The following GPC6 variants were observed in gnomAD, a reference collection of about 807,000 sequenced individuals.
GPC6 encodes glypican-6.
A neutral mutation model predicts 55.2 loss-of-function variants in GPC6; 14 were observed. The observed-to-expected ratio is 0.25, with a 90% CI of 0.17 to 0.40. GPC6 has a LOEUF of 0.40. Among genes scored for constraint, GPC6 ranks in the 10% least tolerant of loss-of-function variants. The probability of loss-of-function intolerance (pLI) is 1.00; values close to 1 mark genes in which losing one functional copy is unlikely to be tolerated. For synonymous variants in GPC6, 278 were observed against 259.6 expected, an observed-to-expected ratio of 1.07 and a Z score of -0.68; for missense variants, 641 against 708.5, an observed-to-expected ratio of 0.90 and a Z score of 1.08.
intron 1 of GPC6, among the ~76,000 whole-genome samples, chr13:93,231,422 T>C (rs900383734): frequency 1.8e-3 from 91 of 49,970 alleles, no homozygotes; most frequent in African/African-American, 6.2e-3. Flanking sequence ...TATATATATA[T>C]ACGTATATAT....
chr13:94,205,696 G>T (rs1017330280), intron 4 of GPC6, among the ~76,000 whole-genome samples: 1 of 152,154 alleles, frequency 6.6e-6, no homozygotes, highest in Non-Finnish European at 1.5e-5. Context: ...TCTTAAGTTT[G>T]CCATTTAGCT....
At chr13:93,845,851 G>T (rs1490103872) in intron 3 of GPC6, among the ~76,000 whole-genome samples, 30 of 112,004 alleles carry the variant, frequency 2.7e-4, no homozygotes, top group African/African-American at 9.4e-4. Context: ...GGGGAGGGGG[G>T]AGGGATAGCA....
intron 1 of GPC6, among the ~76,000 whole-genome samples, chr13:93,526,182 A>G (rs1446048338): frequency 2.0e-5 from 3 of 152,188 alleles, no homozygotes; most frequent in Admixed American, 6.6e-5. Context: ...CCACTTTTCT[A>G]TCAAAATAAA....
chr13:93,512,159 T>C (rs917073259), intron 1 of GPC6, among the ~76,000 whole-genome samples: 1 of 152,224 alleles, frequency 6.6e-6, no homozygotes, highest in African/African-American at 2.4e-5. Flanking sequence ...CTTTTCCAAT[T>C]TGGATGCATT....
intron 2 of GPC6, among the ~76,000 whole-genome samples, chr13:93,816,290 T>A (rs1179275923): frequency 6.6e-6 from 1 of 152,180 alleles, no homozygotes; most frequent in African/African-American, 2.4e-5. Flanking sequence ...AAACTGCAGA[T>A]GATCATATTA....
At chr13:94,272,583 C>A (rs1197139398) in intron 4 of GPC6, among the ~76,000 whole-genome samples, 1 of 150,664 alleles carries the variant, frequency 6.6e-6, no homozygotes, top group Non-Finnish European at 1.5e-5. Context: ...ATTCTCTTGC[C>A]TCAGCCTCCC....
chr13:93,261,968 T>A (rs971006413), intron 1 of GPC6, among the ~76,000 whole-genome samples: 16 of 135,918 alleles, frequency 1.2e-4, no homozygotes, highest in Non-Finnish European at 1.5e-4. Context: ...ACACACACAC[T>A]TGCATATATT....
chr13:93,387,982 C>T (rs9589726), intron 1 of GPC6, among the ~76,000 whole-genome samples: 4,920 of 152,062 alleles, frequency 0.032, 273 homozygotes, highest in African/African-American at 0.11. Flanking sequence ...ACTATCTGAA[C>T]GATCATCCTG....
At chr13:93,806,413 C>T (rs889939214) in intron 2 of GPC6, among the ~76,000 whole-genome samples, 9 of 152,338 alleles carry the variant, frequency 5.9e-5, no homozygotes, top group African/African-American at 2.2e-4. Context: ...TCGCGGCTCA[C>T]TGCAACCTCT....
At chr13:93,552,214 G>T (rs1043087422) in intron 2 of GPC6, among the ~76,000 whole-genome samples, 5 of 152,260 alleles carry the variant, frequency 3.3e-5, no homozygotes, top group African/African-American at 1.2e-4. Context: ...CACTGGCATG[G>T]GAAAGTAATC....
At chr13:93,759,775 C>A (rs1884898356) in intron 2 of GPC6, among the ~76,000 whole-genome samples, 1 of 152,096 alleles carries the variant, frequency 6.6e-6, no homozygotes, top group South Asian at 2.1e-4. Context: ...AACTAACCCA[C>A]CCAAACAAAC....
intron 1 of GPC6, among the ~76,000 whole-genome samples, chr13:93,347,491 T>G (rs1467871806): frequency 6.6e-6 from 1 of 152,162 alleles, no homozygotes; most frequent in Non-Finnish European, 1.5e-5. Flanking sequence ...AGAAATGGTC[T>G]CTCAGTTGTT....
At chr13:94,216,025 CAT>C (rs1449845592) in intron 4 of GPC6, among the ~76,000 whole-genome samples, 1 of 151,984 alleles carries the variant, frequency 6.6e-6, no homozygotes, top group African/African-American at 2.4e-5. Context: ...AAAAGACAAA[CAT>C]GTCAGATATG....
At position 94,101,010 on chromosome 13, in the gene GPC6, G is replaced by A. The variant is rs80173163; in HGVS notation, c.877+73116G>A. 2.3e-3 allele frequency among the ~76,000 whole-genome samples: 350 copies of A among 152,280 alleles called. 4 individuals are homozygous for A. The East Asian group carries it at 0.056, about 24-fold the overall frequency. On this transcript the variant is annotated intron_variant, in intron 4 of 8. Coordinates refer to ENST00000377047, the MANE Select transcript of GPC6 (RefSeq NM_005708.5). The stretch of plus-strand genomic sequence containing the variant: ...GCAGCTGCTAAGCACTGGTCATTGC[G>A]TCAGGCAAACTGGTTAATGTTGAAG...
At chr13:94,336,376 C>A (rs1391609189) in intron 6 of GPC6, among the ~76,000 whole-genome samples, 4 of 152,118 alleles carry the variant, frequency 2.6e-5, no homozygotes, top group Non-Finnish European at 5.9e-5. Context: ...CCCCAAAGAC[C>A]ATCCTGAGTT....
intron 1 of GPC6, among the ~76,000 whole-genome samples, chr13:93,446,686 G>A (rs1003077807): frequency 1.3e-5 from 2 of 152,126 alleles, no homozygotes; most frequent in Admixed American, 6.6e-5. Context: ...TGAATTGTTC[G>A]ATTGAGGTAA....
At chr13:93,655,361 A>G (rs914858505) in intron 2 of GPC6, among the ~76,000 whole-genome samples, 1 of 152,142 alleles carries the variant, frequency 6.6e-6, no homozygotes, top group South Asian at 2.1e-4. Context: ...TCCAACAAGG[A>G]TAAAAATTGA....
chr13:94,175,987 G>GCT (rs1188425166), intron 4 of GPC6, among the ~76,000 whole-genome samples: 1 of 66,022 alleles, frequency 1.5e-5, no homozygotes, highest in Non-Finnish European at 4.0e-5. Context: ...GAGAGAGAGA[G>GCT]AGAGAGCGAG....
chr13:93,552,275 G>A (rs1048752601), intron 2 of GPC6, among the ~76,000 whole-genome samples: 2 of 152,194 alleles, frequency 1.3e-5, no homozygotes, highest in Non-Finnish European at 2.9e-5. Flanking sequence ...CGTCCAATTA[G>A]AGATTTTGGC....
Sources: allele counts gnomAD v4.1 joint callset (sites outside exome capture counted in the v4.1 genomes callset), GRCh38; gene constraint gnomAD v4.1.1; transcripts MANE v1.5; gene names NCBI Gene and HGNC (gene_info 2026-07-23, HGNC 2026-07-21).